The following TMEM182 variants were observed in gnomAD, a reference collection of about 807,000 sequenced individuals.
TMEM182 encodes the protein transmembrane protein 182.
In TMEM182, 20 loss-of-function variants were observed where a neutral mutation model predicts 26.8. The observed-to-expected ratio is 0.75, with a 90% CI of 0.53 to 1.09. TMEM182 has a LOEUF of 1.09. Ranked by LOEUF, TMEM182 falls within the 50% of genes least tolerant of loss-of-function variation. The probability of loss-of-function intolerance (pLI) is 0.00; values close to 1 mark genes in which losing one functional copy is unlikely to be tolerated. For synonymous variants in TMEM182, 109 were observed against 102.2 expected (o/e 1.07, Z -0.40); for missense variants, 277 against 275.5 (o/e 1.01, Z -0.04).
At chr2:102,793,146 T>C (rs1372066840) in intron 3 of TMEM182, among the ~76,000 whole-genome samples, 1 of 152,186 alleles carries the variant, frequency 6.6e-6, no homozygotes, top group Non-Finnish European at 1.5e-5. Flanking sequence ...TTTCTCAGTT[T>C]TCCAGTTCCT....
At chr2:102,778,762 C>A (rs2104691937) in intron 3 of TMEM182, among the ~76,000 whole-genome samples, 2 of 152,072 alleles carry the variant, frequency 1.3e-5, no homozygotes, top group Non-Finnish European at 2.9e-5. Flanking sequence ...AAAACTTTAC[C>A]TTCTTTATGT....
intron 3 of TMEM182, among the ~76,000 whole-genome samples, chr2:102,828,730 T>C (rs541819609): frequency 6.6e-6 from 1 of 152,268 alleles, no homozygotes; most frequent in South Asian, 2.1e-4. Context: ...CAATAGGAGC[T>C]CAGTAGATGT....
At chr2:102,828,677 A>G (rs1370747640) in intron 3 of TMEM182, among the ~76,000 whole-genome samples, 1 of 152,048 alleles carries the variant, frequency 6.6e-6, no homozygotes, top group African/African-American at 2.4e-5. Flanking sequence ...TAACTTTTCT[A>G]GCTGAACCTT....
At chr2:102,751,319 G>T (rs1573489228) in intron 1 of TMEM182, among the ~76,000 whole-genome samples, 1 of 152,248 alleles carries the variant, frequency 6.6e-6, no homozygotes, top group East Asian at 1.9e-4. Flanking sequence ...TTTACATAGT[G>T]CACGGGGAAG....
chr2:102,805,922 C>A (rs1370110960), intron 4 of TMEM182, among the ~76,000 whole-genome samples: 3 of 152,004 alleles, frequency 2.0e-5, no homozygotes, highest in East Asian at 3.9e-4. Flanking sequence ...ACAAAAAAAA[C>A]CCATACTGTC....
intron 1 of TMEM182, among the ~76,000 whole-genome samples, chr2:102,740,555 G>T (rs554993009): frequency 6.6e-6 from 1 of 152,284 alleles, no homozygotes; most frequent in South Asian, 2.1e-4. Flanking sequence ...TCTTGGGTAT[G>T]TCTTTATAAG....
At chr2:102,794,823 G>A (rs2732813) in intron 3 of TMEM182, among the ~76,000 whole-genome samples, 81,955 of 151,906 alleles carry the variant, frequency 0.54, 22,675 homozygotes, top group African/African-American at 0.65. Context: ...TCCTGTATCT[G>A]TAAATTTGTG....
chr2:102,818,226 G>C (rs1682817100), downstream of TMEM182, among the ~76,000 whole-genome samples: 1 of 152,154 alleles, frequency 6.6e-6, no homozygotes. Flanking sequence ...TTTATTGATT[G>C]TATGAAGGAG....
intron 3 of TMEM182, among the ~76,000 whole-genome samples, chr2:102,835,706 AT>A (rs1430513435): frequency 1.3e-5 from 2 of 151,464 alleles, no homozygotes; most frequent in South Asian, 2.1e-4. Flanking sequence ...AATTTATTTT[AT>A]TTTTTTATAC....
chr2:102,816,968 T>A lies in TMEM182; in HGVS notation c.*2000T>A. 1 of 985,848 alleles carries A rather than the reference T, an allele frequency of 1.0e-6. No individual in the cohort carries two copies. Among genetic ancestry groups the A allele is most frequent in the Non-Finnish European group, 1.2e-6 (1 of 829,896 alleles). 61.1% of individuals were successfully genotyped at this position (985,848 alleles called of 1,614,324 possible). ...AAGTGGCTACCATATATTTTTTATA[T>A]GACAATTGGCTGAATAGCTGATGTG... On this transcript the variant is annotated 3_prime_UTR_variant, in exon 5 of 5. Transcript: ENST00000412401.
intron 3 of TMEM182, among the ~76,000 whole-genome samples, chr2:102,792,296 G>T (rs1462564671): frequency 6.6e-6 from 1 of 152,124 alleles, no homozygotes; most frequent in Non-Finnish European, 1.5e-5. Context: ...ATACTTGAGT[G>T]CTTACTACAT....
intron 1 of TMEM182, among the ~76,000 whole-genome samples, chr2:102,747,401 T>A (rs1267194914): frequency 6.6e-6 from 1 of 152,218 alleles, no homozygotes; most frequent in African/African-American, 2.4e-5. Context: ...TCTATGCCTT[T>A]GAGTACTGTT....
In TMEM182 at chr2:102,817,599, A is replaced by C; in HGVS notation, c.*2631A>C. The stretch of plus-strand genomic sequence containing the variant: ...TCAAGTGTGTTGTTAGTATTCATTT[A>C]GTCATTTTTATTACTAATCTATAAA... On this transcript the variant is annotated 3_prime_UTR_variant, in exon 5 of 5. Transcript: ENST00000412401. 1 of 983,698 alleles carries C rather than the reference A, an allele frequency of 1.0e-6. No individual in the cohort carries two copies. Among genetic ancestry groups the C allele is most frequent in the Non-Finnish European group, 1.2e-6 (1 of 828,328 alleles). The allele number at this position is 983,698 out of a possible 1,614,324, so 60.9% of individuals were successfully genotyped here.
intron 3 of TMEM182, among the ~76,000 whole-genome samples, chr2:102,835,691 T>A (rs977716960): frequency 6.6e-6 from 1 of 152,138 alleles, no homozygotes; most frequent in East Asian, 1.9e-4. Flanking sequence ...TTTTTAAATT[T>A]ATTTAATTTA....
chr2:102,818,918 A>G (rs1215478588), downstream of TMEM182, among the ~76,000 whole-genome samples: 1 of 152,220 alleles, frequency 6.6e-6, no homozygotes, highest in Non-Finnish European at 1.5e-5. Context: ...CTGAAATGAC[A>G]GGATAGTTTA....
chr2:102,790,070 A>G (rs146333234), intron 3 of TMEM182, among the ~76,000 whole-genome samples: 46 of 152,358 alleles, frequency 3.0e-4, no homozygotes, highest in African/African-American at 1.0e-3. Flanking sequence ...AGGTATGTTT[A>G]GCACCCAGCG....
At chr2:102,756,594 A>G (rs1680045264) in intron 1 of TMEM182, among the ~76,000 whole-genome samples, 2 of 134,784 alleles carry the variant, frequency 1.5e-5, no homozygotes, top group Non-Finnish European at 3.2e-5. Flanking sequence ...CTGTAGTGTC[A>G]GCTACTTGGG....
At position 102,816,694 on chromosome 2, in the gene TMEM182, A is replaced by C; in HGVS notation, c.*1726A>C. 1.0e-6 allele frequency: 1 copy of C among 985,692 alleles called. No individual in the cohort carries two copies. Among genetic ancestry groups the C allele is most frequent in the Non-Finnish European group, 1.2e-6 (1 of 829,910 alleles). 61.1% of individuals were successfully genotyped at this position (985,692 alleles called of 1,614,324 possible). On this transcript the variant is annotated 3_prime_UTR_variant, in exon 5 of 5. Coordinates refer to ENST00000412401, the MANE Select transcript of TMEM182 (RefSeq NM_144632.5). ...TTTGGCTTTGTTATTAGAAAAAATA[A>C]TTATGAGGTCTGTTGTGCATGTTGA...
intron 3 of TMEM182, among the ~76,000 whole-genome samples, chr2:102,788,990 C>T (rs572140567): frequency 1.3e-5 from 2 of 152,308 alleles, no homozygotes; most frequent in Non-Finnish European, 1.5e-5. Context: ...CTGCCCGACA[C>T]TGCCAAGACA....
Sources: gnomAD v4.1 joint callset for allele counts (sites outside exome capture counted in the v4.1 genomes callset) on GRCh38, gnomAD v4.1.1 for gene constraint, MANE v1.5 for transcripts, NCBI Gene and HGNC (gene_info 2026-07-23, HGNC 2026-07-21) for gene names.